MARCHF8: variants seen among roughly 807,000 people sequenced by gnomAD.
MARCHF8 encodes the protein E3 ubiquitin-protein ligase MARCHF8.
A neutral mutation model predicts 51.6 loss-of-function variants in MARCHF8; 40 were observed. The observed-to-expected ratio is 0.77, with a 90% CI of 0.60 to 1.01. MARCHF8 has a LOEUF of 1.01. MARCHF8 is among the 50% of genes least tolerant of loss of function. The pLI, the probability that MARCHF8 is intolerant of heterozygous loss-of-function variation, is 0.00. For synonymous variants in MARCHF8, 263 were observed against 280.3 expected (o/e 0.94, Z 0.62); for missense variants, 685 against 708.6 (o/e 0.97, Z 0.38).
At chr10:45,566,019 G>T (rs2044360392) in intron 1 of MARCHF8, among the ~76,000 whole-genome samples, 1 of 152,026 alleles carries the variant, frequency 6.6e-6, no homozygotes, top group Non-Finnish European at 1.5e-5. Flanking sequence ...TTGCACTTGG[G>T]ATCACCAGGT....
chr10:45,512,398 G>C (rs2043537412), intron 2 of MARCHF8, among the ~76,000 whole-genome samples: 1 of 149,556 alleles, frequency 6.7e-6, no homozygotes, highest in African/African-American at 2.5e-5. Context: ...AGGGAGGTCG[G>C]GGGGTCAGCC....
chr10:45,518,625 G>C (rs570500179), intron 2 of MARCHF8, among the ~76,000 whole-genome samples: 1 of 152,234 alleles, frequency 6.6e-6, no homozygotes, highest in Non-Finnish European at 1.5e-5. Context: ...GACCTTTACT[G>C]TACATGTTTG....
At chr10:45,497,595 T>C (rs2043196478) in intron 2 of MARCHF8, among the ~76,000 whole-genome samples, 1 of 152,136 alleles carries the variant, frequency 6.6e-6, no homozygotes, top group Non-Finnish European at 1.5e-5. Flanking sequence ...GAGTTAAACT[T>C]TAGAGTTAAA....
intron 1 of MARCHF8, among the ~76,000 whole-genome samples, chr10:45,566,742 G>C (rs141688109): frequency 2.9e-4 from 32 of 108,606 alleles, no homozygotes; most frequent in African/African-American, 1.1e-3. Context: ...AGGAGTGCAG[G>C]TATCTCTTTG....
chr10:45,474,376 T>A (rs1406015273), intron 3 of MARCHF8, among the ~76,000 whole-genome samples: 19 of 152,148 alleles, frequency 1.2e-4, no homozygotes. Context: ...TATGGCTTCC[T>A]GGTACCCCGA....
At chr10:45,519,748 C>T (rs1306763273) in intron 2 of MARCHF8, among the ~76,000 whole-genome samples, 1 of 152,114 alleles carries the variant, frequency 6.6e-6, no homozygotes. Flanking sequence ...GGACCATGGG[C>T]TATGATTTGC....
At chr10:45,561,717 G>A (rs1470671649) in intron 1 of MARCHF8, among the ~76,000 whole-genome samples, 4 of 150,524 alleles carry the variant, frequency 2.7e-5, no homozygotes, top group Admixed American at 6.6e-5. Context: ...TGGCTAACAC[G>A]GTGAAACCCT....
intron 1 of MARCHF8, among the ~76,000 whole-genome samples, chr10:45,551,426 T>C (rs1438805181): frequency 6.6e-6 from 1 of 151,996 alleles, no homozygotes; most frequent in African/African-American, 2.4e-5. Flanking sequence ...TTTTAGGAGA[T>C]GGGGTTTCAC....
chr10:45,458,138 A>T lies in MARCHF8; in HGVS notation c.*101T>A. The stretch of plus-strand genomic sequence containing the variant: ...AGCCACTATAAATAGTCACCTGTCC[A>T]GTCTATGCTATTAAAGGACATAAGA... On this transcript the variant is annotated 3_prime_UTR_variant, in exon 8 of 8. Coordinates refer to ENST00000453424, the MANE Select transcript of MARCHF8 (RefSeq NM_001282866.2). The T allele has an allele frequency of 8.3e-7, 1 of 1,200,682 alleles. No homozygotes were observed. Among genetic ancestry groups the T allele is most frequent in the Non-Finnish European group, 1.2e-6 (1 of 867,340 alleles). 74.4% of individuals were successfully genotyped at this position (1,200,682 alleles called of 1,614,324 possible). A position where few individuals can be genotyped will look rare whatever the true frequency, so the allele number is the denominator to read the frequency against.
At chr10:45,481,028 T>G (rs965709006) in intron 3 of MARCHF8, among the ~76,000 whole-genome samples, 1 of 152,240 alleles carries the variant, frequency 6.6e-6, no homozygotes, top group African/African-American at 2.4e-5. Flanking sequence ...CCAAAGGCCG[T>G]GGGAGCCCAC....
chr10:45,458,301 C>T lies in MARCHF8; in HGVS notation c.1660G>A (p.Asp554Asn), dbSNP rs1005471833. ...NKHGYGICHS[D>N]TNSSCCTEPE... ...TCTGTGCAACAAGAAGAGTTTGTGT[C>T]GGAATGACAGATTCCATATCCATGT... is the stretch of plus-strand genomic sequence containing the variant. The change falls in exon 8 of 8, where the codon GAC (aspartate) becomes AAC (asparagine). Residue 554 changes from aspartate (D) to asparagine (N), a missense_variant. Physicochemically the swap from Asp to Asn is conservative, Grantham distance 23. Transcript: ENST00000453424. 12 of 1,614,028 alleles carry T rather than the reference C, an allele frequency of 7.4e-6. No homozygotes were observed. The highest frequency in any genetic ancestry group is 5.5e-5 in the South Asian group (5 of 91,078).
At chr10:45,500,303 T>C (rs1012348528) in intron 2 of MARCHF8, among the ~76,000 whole-genome samples, 1 of 152,202 alleles carries the variant, frequency 6.6e-6, no homozygotes, top group Non-Finnish European at 1.5e-5. Flanking sequence ...CTTTGCTGAA[T>C]TCATTTAGTC....
chr10:45,459,388 C>T lies in MARCHF8; in HGVS notation c.1270-121G>A, dbSNP rs74661429. ...CACTTCTCCCTTCCCAAACTAGATG[C>T]ATTCCCCCAAGTATTGTTCTCCTAA... On this transcript the variant is annotated intron_variant, in intron 6 of 7. Coordinates refer to ENST00000453424, the MANE Select transcript of MARCHF8 (RefSeq NM_001282866.2). 1.1e-3 allele frequency: 1,255 copies of T among 1,139,842 alleles called. 12 individuals are homozygous for T. The African/African-American group carries it at 0.017, about 15-fold the overall frequency. The allele number at this position is 1,139,842 out of a possible 1,614,324, so 70.6% of individuals were successfully genotyped here. A position where few individuals can be genotyped will look rare whatever the true frequency, so the allele number is the denominator to read the frequency against.
chr10:45,490,194 C>CTG (rs765389917), intron 2 of MARCHF8, among the ~76,000 whole-genome samples: 22 of 152,214 alleles, frequency 1.4e-4, no homozygotes, highest in Non-Finnish European at 2.5e-4. Context: ...ATGGGCTAAA[C>CTG]TGTGTATTCC....
chr10:45,487,118 C>G (rs559424203), intron 3 of MARCHF8, among the ~76,000 whole-genome samples: 1 of 152,230 alleles, frequency 6.6e-6, no homozygotes, highest in South Asian at 2.1e-4. Context: ...GCTTACCCTA[C>G]TTTTACTGAT....
chr10:45,570,307 A>G (rs1013038939), intron 1 of MARCHF8, among the ~76,000 whole-genome samples: 2 of 152,224 alleles, frequency 1.3e-5, no homozygotes, highest in Non-Finnish European at 2.9e-5. Context: ...AAAAAGAATA[A>G]TATATCATGA....
intron 6 of MARCHF8, 89 bp downstream of exon 6, chr10:45,461,142 A>T: frequency 1.0e-6 from 1 of 997,926 alleles, no homozygotes; most frequent in Non-Finnish European, 1.4e-6. Context: ...AAATGAACGC[A>T]GGCAAGCCAT....
intron 3 of MARCHF8, among the ~76,000 whole-genome samples, chr10:45,487,373 T>C (rs2042999938): frequency 2.0e-5 from 3 of 152,170 alleles, no homozygotes; most frequent in South Asian, 2.1e-4. Flanking sequence ...ATTTAAAGCA[T>C]AGGATGTCCT....
At chr10:45,516,896 C>G (rs777347058) in intron 2 of MARCHF8, among the ~76,000 whole-genome samples, 4 of 152,230 alleles carry the variant, frequency 2.6e-5, no homozygotes, top group Non-Finnish European at 5.9e-5. Context: ...CTGTTTCTCT[C>G]AACACTCCCA....
Sources: gnomAD v4.1 joint callset for allele counts (sites outside exome capture counted in the v4.1 genomes callset) on GRCh38, gnomAD v4.1.1 for gene constraint, MANE v1.5 for transcripts, NCBI Gene and HGNC (gene_info 2026-07-23, HGNC 2026-07-21) for gene names.